Variants in SLC9A8 observed in about 807,000 individuals in gnomAD.
SLC9A8 encodes solute carrier family 9 member A8, also known as sodium/hydrogen exchanger 8.
In SLC9A8, 48 loss-of-function variants were observed where a neutral mutation model predicts 66.6. That is an observed-to-expected ratio of 0.72 (90% CI 0.57 to 0.92). The LOEUF is 0.92. Among genes scored for constraint, SLC9A8 ranks in the 40% least tolerant of loss-of-function variants. The pLI, the probability that SLC9A8 is intolerant of heterozygous loss-of-function variation, is 0.00. For missense variants in SLC9A8, 599 were observed against 747.3 expected, an observed-to-expected ratio of 0.80 and a Z score of 2.31; for synonymous variants, 274 against 282.6, an observed-to-expected ratio of 0.97 and a Z score of 0.31.
chr20:49,878,033 G>A lies in SLC9A8; in HGVS notation c.1128G>A (p.Lys376=). The part of the protein sequence containing the change: ...LGLSIFSFPH[K]FEISFVIWCI... Reference sequence around the variant, plus strand: ...TGTCCATTTTTAGTTTTCCTCACAAGTTTGAAATTTCCTTTGTCATCTGGT... The same window carrying A: ...TGTCCATTTTTAGTTTTCCTCACAAATTTGAAATTTCCTTTGTCATCTGGT... The change falls in exon 12 of 16, where the codon AAG becomes AAA. Residue 376 remains lysine, a synonymous_variant. Coordinates refer to ENST00000361573, the MANE Select transcript of SLC9A8 (RefSeq NM_015266.3). 1.2e-6 allele frequency: 2 copies of A among 1,600,356 alleles called. No individual in the cohort carries two copies. The highest frequency in any genetic ancestry group is 1.7e-6 in the Non-Finnish European group (2 of 1,176,084).
chr20:49,851,274 A>G, intron 7 of SLC9A8, among the ~76,000 whole-genome samples: 1 of 152,158 alleles, frequency 6.6e-6, no homozygotes, highest in Admixed American at 6.5e-5. Flanking sequence ...GTGGTGGGGG[A>G]AGCAGGGCCA....
intron 1 of SLC9A8, among the ~76,000 whole-genome samples, chr20:49,813,509 C>T (rs188102196): frequency 1.8e-4 from 27 of 152,328 alleles, no homozygotes; most frequent in Non-Finnish European, 3.1e-4. Flanking sequence ...AAGGTGGTTT[C>T]AGATCGTGAT....
rs374894186 is a variant in SLC9A8, at chr20:49,839,524, T to A, written c.290-17T>A. 50 of 1,461,322 alleles carry A rather than the reference T, an allele frequency of 3.4e-5. No homozygotes were observed. The African/African-American group carries it at 6.9e-4, about 20-fold the overall frequency. 90.5% of individuals were successfully genotyped at this position (1,461,322 alleles called of 1,614,324 possible). A position where few individuals can be genotyped will look rare whatever the true frequency, so the allele number is the denominator to read the frequency against. On this transcript the variant is annotated splice_polypyrimidine_tract_variant and intron_variant, in intron 3 of 15. Transcript: ENST00000361573. ...CATATCTTAAATTTATGTTAAAGTT[T>A]ACATTTTCTCTTGTAGGTATTCTCA... is the stretch of plus-strand genomic sequence containing the variant.
Position 49,866,465 on chromosome 20 carries a change from T to C in SLC9A8, c.958+1621T>C, listed in dbSNP as rs541567498. Among the ~76,000 whole-genome samples, 8 of 152,332 alleles carry C rather than the reference T, an allele frequency of 5.3e-5. No individual in the cohort carries two copies. The East Asian group carries it at 1.5e-3, about 29-fold the overall frequency. On this transcript the variant is annotated intron_variant, in intron 10 of 15. Coordinates refer to ENST00000361573, the MANE Select transcript of SLC9A8 (RefSeq NM_015266.3). ...AGTGTTTTTCGAAGTGACTGTATCA[T>C]TTTACATTCCTCAGAATGTATGAGA...
intron 3 of SLC9A8, chr20:49,830,217 A>G (rs2087117396): frequency 2.4e-6 from 2 of 841,744 alleles, no homozygotes; most frequent in South Asian, 2.6e-5. Context: ...GAATGGCAGC[A>G]TCACAGACAA....
At chr20:49,880,325 C>T (rs1209499729) in intron 12 of SLC9A8, among the ~76,000 whole-genome samples, 1 of 151,744 alleles carries the variant, frequency 6.6e-6, no homozygotes, top group Non-Finnish European at 1.5e-5. Context: ...ACTAACATGC[C>T]TTTGGAGATG....
intron 2 of SLC9A8, among the ~76,000 whole-genome samples, chr20:49,820,405 A>T (rs2086691085): frequency 6.6e-6 from 1 of 152,046 alleles, no homozygotes; most frequent in Admixed American, 6.6e-5. Context: ...CTGAGGCACT[A>T]GAATCATTTG....
chr20:49,867,222 T>G (rs928648415), intron 10 of SLC9A8, among the ~76,000 whole-genome samples: 2 of 152,242 alleles, frequency 1.3e-5, no homozygotes, highest in Non-Finnish European at 2.9e-5. Context: ...ATTGTATTCC[T>G]TTACGGAGTT....
chr20:49,825,651 C>G (rs951361795), intron 3 of SLC9A8, among the ~76,000 whole-genome samples: 2 of 151,874 alleles, frequency 1.3e-5, no homozygotes, highest in Non-Finnish European at 2.9e-5. Flanking sequence ...TCAAAACAAA[C>G]AAACAAAAAA....
Position 49,861,915 on chromosome 20 carries a change from A to C in SLC9A8, c.714-1014A>C, listed in dbSNP as rs17788731. On this transcript the variant is annotated intron_variant, in intron 8 of 15. Transcript: ENST00000361573. ...TTTCTTCTTTGGGTAGCTCCATTCT[A>C]ATCTGACTTGCCATAGCCTCAATTT... Among the ~76,000 whole-genome samples the C allele has an allele frequency of 0.023, 3,454 of 152,120 alleles. 381 individuals are homozygous for C. The East Asian group carries it at 0.35, about 15-fold the overall frequency.
At chr20:49,842,064 T>TTTTA (rs2087789477) in intron 4 of SLC9A8, among the ~76,000 whole-genome samples, 6 of 148,344 alleles carry the variant, frequency 4.0e-5, no homozygotes, top group Admixed American at 3.3e-4. Context: ...ATTTTATTTT[T>TTTTA]TTTTTTTTGC....
In SLC9A8 at chr20:49,830,584, C is replaced by T. The variant is rs984218624; in HGVS notation, c.289+7443C>T. On this transcript the variant is annotated intron_variant, in intron 3 of 15. Transcript: ENST00000361573. ...TCGGGGGGTCGCTTTCCAGAAGCTC[C>T]CATCTCAGGGAATCAGCAGCTTTCT... 3 of 609,062 alleles carry T rather than the reference C, an allele frequency of 4.9e-6. No individual in the cohort carries two copies. In the African/African-American group the frequency reaches 5.6e-5, roughly 11 times the overall value. 37.7% of individuals were successfully genotyped at this position (609,062 alleles called of 1,614,324 possible).
chr20:49,889,178 C>T lies in SLC9A8; in HGVS notation c.*1242C>T, dbSNP rs2089987616. 1 of 152,300 alleles carries T rather than the reference C, an allele frequency of 6.6e-6. No homozygotes were observed. Among genetic ancestry groups the T allele is most frequent in the Non-Finnish European group, 1.5e-5 (1 of 68,072 alleles). The allele number at this position is 152,300 out of a possible 1,614,324, so 9.4% of individuals were successfully genotyped here. A position where few individuals can be genotyped will look rare whatever the true frequency, so the allele number is the denominator to read the frequency against. On this transcript the variant is annotated 3_prime_UTR_variant, in exon 16 of 16. Transcript: ENST00000361573. ...TCTCCTCATCTCCCCTTTGACGAGCCTCAAACTGCTCAGCTCATCAAAGAG... is the reference window on the plus strand; with the variant it reads ...TCTCCTCATCTCCCCTTTGACGAGCTTCAAACTGCTCAGCTCATCAAAGAG...
intron 12 of SLC9A8, among the ~76,000 whole-genome samples, chr20:49,878,708 A>G (rs957510986): frequency 1.3e-5 from 2 of 152,170 alleles, no homozygotes; most frequent in Admixed American, 1.3e-4. Context: ...AGAAGCAGCA[A>G]AAGTCCTTTA....
Position 49,886,388 on chromosome 20 carries a change from A to C in SLC9A8, c.1492-364A>C, listed in dbSNP as rs1445965945. On this transcript the variant is annotated intron_variant, in intron 14 of 15. Coordinates refer to ENST00000361573, the MANE Select transcript of SLC9A8 (RefSeq NM_015266.3). This position sits in a 1 kb window ranked among gnomAD's most constrained non-coding sequence, Gnocchi z 4.8. ...TCCTAGCTAATAGAGCCACAGGCAA[A>C]GAGACAAAAAGCCTCCCTGTGCGAT... The C allele has an allele frequency of 2.9e-5, 5 of 174,664 alleles. No individual in the cohort carries two copies. Among genetic ancestry groups the C allele is most frequent in the Non-Finnish European group, 6.0e-5 (5 of 83,410 alleles). The allele number at this position is 174,664 out of a possible 1,614,324, so 10.8% of individuals were successfully genotyped here.
chr20:49,870,257 G>T (rs1458177593), intron 10 of SLC9A8, among the ~76,000 whole-genome samples: 1 of 152,180 alleles, frequency 6.6e-6, no homozygotes, highest in African/African-American at 2.4e-5. Flanking sequence ...CAGAATTTAA[G>T]CAAACCCATA....
intron 11 of SLC9A8, 97 bp downstream of exon 11, chr20:49,874,918 G>C: frequency 1.2e-6 from 1 of 821,102 alleles, no homozygotes; most frequent in Non-Finnish European, 2.1e-6. Flanking sequence ...TTCCCTGGCA[G>C]CAGGGCAGCA....
intron 14 of SLC9A8, chr20:49,884,289 G>GACACACACCACACACACACACACACAC (rs1555848424): frequency 2.7e-5 from 1 of 36,872 alleles, no homozygotes; most frequent in African/African-American, 2.2e-4. Context: ...ACACACACAC[G>GACACACACCACACACACACACACACAC]ACACACACAC....
rs372765925 is a variant in SLC9A8, at chr20:49,883,883, C to T, written c.1308C>T (p.His436=). 1.7e-5 allele frequency: 27 copies of T among 1,609,352 alleles called. No homozygotes were observed. Among genetic ancestry groups the T allele is most frequent in the Non-Finnish European group, 2.2e-5 (26 of 1,179,992 alleles). Residue 436 remains histidine (H), a synonymous_variant, in exon 14 of 16, where the codon CAC becomes CAT. Coordinates refer to ENST00000361573, the MANE Select transcript of SLC9A8 (RefSeq NM_015266.3). Reference sequence around the variant, plus strand: ...CCATCCCCTATGCCCTGAGCCTACACCTGGACCTGGAGCCCATGGAGAAGC... The same window carrying T: ...CCATCCCCTATGCCCTGAGCCTACATCTGGACCTGGAGCCCATGGAGAAGC... The part of the protein sequence containing the change: ...RGAIPYALSL[H]LDLEPMEKRQ...
Sources: gnomAD v4.1 joint callset for allele counts (sites outside exome capture counted in the v4.1 genomes callset) on GRCh38, gnomAD v4.1.1 for gene constraint, Gnocchi (gnomAD v3.1) non-coding constraint, MANE v1.5 for transcripts, NCBI Gene and HGNC (gene_info 2026-07-23, HGNC 2026-07-21) for gene names.